Variants in AGBL4 observed in about 807,000 individuals in gnomAD.
AGBL4 encodes the protein cytosolic carboxypeptidase 6.
A neutral mutation model predicts 66.4 loss-of-function variants in AGBL4; 58 were observed. The ratio of observed to expected loss-of-function variants is 0.87; its 90% confidence interval spans 0.71 to 1.09. AGBL4 has a LOEUF of 1.09. Ranked by LOEUF, AGBL4 falls within the 50% of genes least tolerant of loss-of-function variation. The pLI, the probability that AGBL4 is intolerant of heterozygous loss-of-function variation, is 0.00. For synonymous variants in AGBL4, 234 were observed against 222.9 expected (o/e 1.05, Z -0.44); for missense variants, 579 against 631.0 (o/e 0.92, Z 0.88).
At chr1:49,530,279 A>AAAAAAAAAAAAAAAAAAAAAATC (rs1305492702) in intron 3 of AGBL4, among the ~76,000 whole-genome samples, 1 of 147,228 alleles carries the variant, frequency 6.8e-6, no homozygotes, top group Non-Finnish European at 1.5e-5. Flanking sequence ...AAAACAAAAA[A>AAAAAAAAAAAAAAAAAAAAAATC]AAACTCTATG....
chr1:49,434,733 T>TG (rs1481118132), intron 3 of AGBL4, among the ~76,000 whole-genome samples: 3 of 151,054 alleles, frequency 2.0e-5, no homozygotes, highest in Non-Finnish European at 4.4e-5. Context: ...GTGGTGGTGG[T>TG]GTGTGTGTGA....
chr1:48,775,356 AC>A (rs1188396852), intron 6 of AGBL4, among the ~76,000 whole-genome samples: 1 of 152,090 alleles, frequency 6.6e-6, no homozygotes, highest in African/African-American at 2.4e-5. Flanking sequence ...TTGCCATGAG[AC>A]CCTGGGCAAG....
chr1:49,105,879 A>G (rs950248004), intron 4 of AGBL4, among the ~76,000 whole-genome samples: 1 of 152,176 alleles, frequency 6.6e-6, no homozygotes, highest in Non-Finnish European at 1.5e-5. Flanking sequence ...TTGCTACTAC[A>G]TTCTTTTTCA....
chr1:49,708,668 G>T (rs1647394451), intron 2 of AGBL4, among the ~76,000 whole-genome samples: 1 of 152,084 alleles, frequency 6.6e-6, no homozygotes, highest in Non-Finnish European at 1.5e-5. Context: ...TTTTGCACTG[G>T]TTTTTCCTCA....
intron 4 of AGBL4, among the ~76,000 whole-genome samples, chr1:49,167,754 G>A (rs931003476): frequency 3.3e-5 from 5 of 152,146 alleles, no homozygotes; most frequent in African/African-American, 7.2e-5. Context: ...AGAATGTTGC[G>A]TACACCGAAT....
chr1:49,158,587 C>T (rs867742271), intron 4 of AGBL4, among the ~76,000 whole-genome samples: 10 of 151,828 alleles, frequency 6.6e-5, no homozygotes, highest in Non-Finnish European at 5.9e-5. Flanking sequence ...TTATTTTTGC[C>T]TGGTCAAGAG....
intron 6 of AGBL4, among the ~76,000 whole-genome samples, chr1:48,722,750 C>T (rs932330836): frequency 6.6e-6 from 1 of 152,144 alleles, no homozygotes; most frequent in African/African-American, 2.4e-5. Context: ...GCTAAAGATG[C>T]TAATTCGAAG....
At chr1:49,292,651 C>A (rs1483797877) in intron 3 of AGBL4, among the ~76,000 whole-genome samples, 1 of 152,104 alleles carries the variant, frequency 6.6e-6, no homozygotes, top group Non-Finnish European at 1.5e-5. Flanking sequence ...GAGGAGCTAC[C>A]CTCTCCAGGG....
intron 4 of AGBL4, among the ~76,000 whole-genome samples, chr1:49,231,278 G>C (rs766447649): frequency 3.3e-5 from 5 of 152,174 alleles, no homozygotes; most frequent in Non-Finnish European, 7.3e-5. Context: ...GTTTCATAAA[G>C]AGGGATCAGG....
chr1:49,774,565 A>C (rs763587445), intron 2 of AGBL4, among the ~76,000 whole-genome samples: 1 of 152,242 alleles, frequency 6.6e-6, no homozygotes, highest in Non-Finnish European at 1.5e-5. Context: ...CTTTATCTTT[A>C]AAAATTAAGA....
intron 1 of AGBL4, among the ~76,000 whole-genome samples, chr1:49,852,623 C>T (rs559506977): frequency 1.1e-4 from 16 of 152,140 alleles, no homozygotes; most frequent in Admixed American, 9.2e-4. Flanking sequence ...GAACTTATCA[C>T]CTGAGTGCAA....
chr1:49,964,903 T>C (rs1170414635), intron 1 of AGBL4, among the ~76,000 whole-genome samples: 2 of 152,104 alleles, frequency 1.3e-5, no homozygotes, highest in Non-Finnish European at 2.9e-5. Context: ...TAATTTAAAG[T>C]GAAAAGCCTG....
chr1:49,723,972 A>T (rs972640002), intron 2 of AGBL4, among the ~76,000 whole-genome samples: 3 of 152,168 alleles, frequency 2.0e-5, no homozygotes, highest in Non-Finnish European at 4.4e-5. Flanking sequence ...TTATTCAATC[A>T]TGCTTACCAG....
intron 1 of AGBL4, among the ~76,000 whole-genome samples, chr1:49,920,476 A>G (rs1268717493): frequency 6.6e-6 from 1 of 152,268 alleles, no homozygotes; most frequent in African/African-American, 2.4e-5. Context: ...TGCAGCCAAC[A>G]GACACATGAA....
chr1:48,988,382 A>T (rs868357385), intron 5 of AGBL4, among the ~76,000 whole-genome samples: 43 of 152,298 alleles, frequency 2.8e-4, no homozygotes, highest in Middle Eastern at 6.8e-3. Flanking sequence ...ATCTAACACA[A>T]TGCCAGGCAC....
At chr1:48,789,134 C>T (rs1178537757) in intron 6 of AGBL4, among the ~76,000 whole-genome samples, 1 of 152,044 alleles carries the variant, frequency 6.6e-6, no homozygotes, top group Non-Finnish European at 1.5e-5. Flanking sequence ...TGGATTCAAA[C>T]CTGGTATGAA....
chr1:48,709,371 TGTGA>T (rs1200438672), intron 6 of AGBL4, among the ~76,000 whole-genome samples: 2 of 152,196 alleles, frequency 1.3e-5, no homozygotes, highest in African/African-American at 4.8e-5. Flanking sequence ...GTACATATCT[TGTGA>T]GTGTGTGTAT....
intron 5 of AGBL4, among the ~76,000 whole-genome samples, chr1:48,948,407 T>C (rs1656698422): frequency 6.6e-6 from 1 of 152,332 alleles, no homozygotes; most frequent in South Asian, 2.1e-4. Context: ...GCACTGCCAC[T>C]CTGTAGATGG....
chr1:48,967,043 C>A (rs1189749981), intron 5 of AGBL4, among the ~76,000 whole-genome samples: 1 of 127,204 alleles, frequency 7.9e-6, no homozygotes, highest in African/African-American at 2.8e-5. Context: ...TAAACACACA[C>A]ACAGACACAC....
Sources: allele counts gnomAD v4.1 joint callset (sites outside exome capture counted in the v4.1 genomes callset), GRCh38; gene constraint gnomAD v4.1.1; transcripts MANE v1.5; gene names NCBI Gene and HGNC (gene_info 2026-07-23, HGNC 2026-07-21).